Variants in CSMD2 observed in about 807,000 individuals in gnomAD.
CSMD2 encodes the protein CUB and Sushi multiple domains 2, also known as CUB and sushi domain-containing protein 2.
CSMD2 carries 130 observed loss-of-function variants against 398.5 expected under a neutral mutation model. That is an observed-to-expected ratio of 0.33 (90% CI 0.28 to 0.38). CSMD2 has a LOEUF of 0.38. CSMD2 is among the 10% of genes least tolerant of loss of function. The pLI is 1.00. For synonymous variants in CSMD2, 1,828 were observed against 1,908.5 expected (o/e 0.96, Z 1.10); for missense variants, 3,829 against 4,764.9 (o/e 0.80, Z 5.78).
intron 12 of CSMD2, among the ~76,000 whole-genome samples, chr1:33,780,442 T>C (rs1652587575): frequency 6.6e-6 from 1 of 152,046 alleles, no homozygotes; most frequent in South Asian, 2.1e-4. Context: ...GGAATGGAGG[T>C]ATGGCTGGAT....
rs201520456 is a variant in CSMD2, at chr1:33,587,050, C to G, written c.6937+38G>C. The G allele has an allele frequency of 1.1e-4, 161 of 1,517,200 alleles. No homozygotes were observed. In the East Asian group the frequency reaches 2.8e-3, roughly 26 times the overall value. 94.0% of individuals were successfully genotyped at this position (1,517,200 alleles called of 1,614,324 possible). A position where few individuals can be genotyped will look rare whatever the true frequency, so the allele number is the denominator to read the frequency against. On this transcript the variant is annotated intron_variant, in intron 45 of 70. Coordinates refer to ENST00000373381, the MANE Select transcript of CSMD2 (RefSeq NM_001281956.2). ...CGCCACCTTCCCTTCCTTCCCCAGT[C>G]CTGGGTTCACAGTCCTTGCTGGCTT...
chr1:33,877,763 G>C (rs1244284212), intron 5 of CSMD2, among the ~76,000 whole-genome samples: 1 of 152,082 alleles, frequency 6.6e-6, no homozygotes, highest in Non-Finnish European at 1.5e-5. Context: ...CTTTCTGAGA[G>C]AGACCACAGA....
At chr1:33,572,384 T>G in intron 50 of CSMD2, 122 bp downstream of exon 50, 24 of 865,630 alleles carry the variant, frequency 2.8e-5, no homozygotes, top group Non-Finnish European at 2.8e-5. Flanking sequence ...CCAACCTCCA[T>G]GTCCATGTTT....
intron 11 of CSMD2, 124 bp from the exon 12 acceptor site, chr1:33,788,836 C>G (rs185795913): frequency 9.3e-6 from 6 of 644,732 alleles, no homozygotes; most frequent in African/African-American, 9.1e-5. Context: ...ATTCTGGGCC[C>G]CACTGTGTTT....
chr1:34,129,208 T>C (rs1663073283), intron 1 of CSMD2, among the ~76,000 whole-genome samples: 1 of 152,146 alleles, frequency 6.6e-6, no homozygotes, highest in Non-Finnish European at 1.5e-5. Flanking sequence ...CCTGATGTTG[T>C]GTTTGTGAGT....
In CSMD2 at chr1:33,563,125, C is replaced by T. The variant is rs557923864; in HGVS notation, c.8381-3652G>A. On this transcript the variant is annotated intron_variant, in intron 53 of 70. Coordinates refer to ENST00000373381, the MANE Select transcript of CSMD2 (RefSeq NM_001281956.2). The stretch of plus-strand genomic sequence containing the variant: ...TGAGCACATTTCAGGACAACTAGAC[C>T]TAGTTTCCTAAGGGCAGAGATGATG... Among the ~76,000 whole-genome samples, 4 of 152,338 alleles carry T rather than the reference C, an allele frequency of 2.6e-5. No individual in the cohort carries two copies. The East Asian group carries it at 7.7e-4, about 29-fold the overall frequency.
intron 5 of CSMD2, among the ~76,000 whole-genome samples, chr1:33,900,105 A>G (rs1268449841): frequency 6.6e-6 from 1 of 152,224 alleles, no homozygotes; most frequent in Non-Finnish European, 1.5e-5. Context: ...TGCTGTAACC[A>G]TGAAAGGGCA....
In CSMD2 at chr1:33,954,380, A is replaced by G. The variant is rs189208455; in HGVS notation, c.518-18426T>C. The stretch of plus-strand genomic sequence containing the variant: ...ATCTAGTGGAGGCCAAGTGAGGGGT[A>G]TGGGGGTGGCAGTTCTGTTGGTGGT... On this transcript the variant is annotated intron_variant, in intron 3 of 70. Transcript: ENST00000373381. Among the ~76,000 whole-genome samples, 306 of 150,322 alleles carry G rather than the reference A, an allele frequency of 2.0e-3. 2 individuals are homozygous for G. Among genetic ancestry groups the G allele is most frequent in the African/African-American group, 5.8e-3 (238 of 41,162 alleles).
intron 5 of CSMD2, among the ~76,000 whole-genome samples, chr1:33,907,899 C>G (rs1269975003): frequency 6.6e-6 from 1 of 151,704 alleles, no homozygotes; most frequent in African/African-American, 2.4e-5. Context: ...CCAACCTGAC[C>G]AATATGGTGA....
intron 42 of CSMD2, 35 bp from the exon 43 acceptor site, chr1:33,602,581 C>T: frequency 6.6e-7 from 1 of 1,513,602 alleles, no homozygotes. Flanking sequence ...AAGTGCAGGG[C>T]CTCGGTACCC....
intron 19 of CSMD2, among the ~76,000 whole-genome samples, chr1:33,722,319 C>A (rs1646382911): frequency 6.6e-6 from 1 of 152,166 alleles, no homozygotes; most frequent in South Asian, 2.1e-4. Flanking sequence ...TCTGCAGATT[C>A]CTAAGTCCCT....
chr1:33,603,240 CCTT>C (rs1359706877), intron 42 of CSMD2, among the ~76,000 whole-genome samples: 8 of 152,296 alleles, frequency 5.3e-5, no homozygotes, highest in Admixed American at 3.9e-4. Context: ...GATCCTCTCT[CCTT>C]ATCTTCCTGT....
At chr1:33,976,908 T>C (rs1429785412) in intron 3 of CSMD2, among the ~76,000 whole-genome samples, 1 of 152,120 alleles carries the variant, frequency 6.6e-6, no homozygotes, top group Non-Finnish European at 1.5e-5. Flanking sequence ...CTTTAGGTTC[T>C]TCAAGTGTCG....
At chr1:33,758,545 G>A (rs1289923757) in intron 13 of CSMD2, among the ~76,000 whole-genome samples, 1 of 152,190 alleles carries the variant, frequency 6.6e-6, no homozygotes, top group African/African-American at 2.4e-5. Flanking sequence ...GTACAACAAT[G>A]AACTAGACAT....
At chr1:33,794,574 T>C (rs142902607) in intron 10 of CSMD2, among the ~76,000 whole-genome samples, 1 of 152,154 alleles carries the variant, frequency 6.6e-6, no homozygotes, top group Non-Finnish European at 1.5e-5. Flanking sequence ...AGGAGAGAAA[T>C]AGGAGCAGTC....
At chr1:33,583,920 C>G in intron 46 of CSMD2, 90 bp from the exon 47 acceptor site, 1 of 1,094,136 alleles carries the variant, frequency 9.1e-7, no homozygotes, top group African/African-American at 1.6e-5. Context: ...TAAAGACAAC[C>G]CCTAGAAAAT....
intron 3 of CSMD2, among the ~76,000 whole-genome samples, chr1:33,962,740 T>TC (rs1266835403): frequency 6.6e-6 from 1 of 152,174 alleles, no homozygotes; most frequent in Non-Finnish European, 1.5e-5. Context: ...CAAGATTGAC[T>TC]CCCTCATATC....
At chr1:33,972,696 G>A (rs1030992609) in intron 3 of CSMD2, among the ~76,000 whole-genome samples, 15 of 152,240 alleles carry the variant, frequency 9.9e-5, no homozygotes, top group South Asian at 4.1e-4. Flanking sequence ...AGAAGGAATC[G>A]GCCCTGCCAA....
chr1:33,723,393 T>G (rs1418251947), intron 19 of CSMD2, among the ~76,000 whole-genome samples: 1 of 152,230 alleles, frequency 6.6e-6, no homozygotes, highest in East Asian at 1.9e-4. Context: ...GAACCATGAC[T>G]CTGGATGAAC....
Sources: allele counts gnomAD v4.1 joint callset (sites outside exome capture counted in the v4.1 genomes callset), GRCh38; gene constraint gnomAD v4.1.1; transcripts MANE v1.5; gene names NCBI Gene and HGNC (gene_info 2026-07-23, HGNC 2026-07-21).